The following NEK11 variants were observed in gnomAD, a reference collection of about 807,000 sequenced individuals.
NEK11 encodes serine/threonine-protein kinase Nek11.
NEK11 carries 72 observed loss-of-function variants against 80.7 expected under a neutral mutation model. The ratio of observed to expected loss-of-function variants is 0.89; its 90% CI spans 0.74 to 1.08. The LOEUF (loss-of-function observed/expected upper bound fraction) is 1.08. NEK11 is among the 50% of genes least tolerant of loss of function. The pLI is 0.00. For missense variants in NEK11, 764 were observed against 763.6 expected (o/e 1.00, Z -0.01); for synonymous variants, 251 against 260.7 (o/e 0.96, Z 0.36).
At chr3:131,314,940 T>A (rs2096821521) in intron 17 of NEK11, among the ~76,000 whole-genome samples, 1 of 152,204 alleles carries the variant, frequency 6.6e-6, no homozygotes, top group African/African-American at 2.4e-5. Flanking sequence ...ATAAATTATC[T>A]TAAGGGATGG....
intron 15 of NEK11, among the ~76,000 whole-genome samples, chr3:131,239,817 C>A (rs956831015): frequency 2.0e-5 from 3 of 151,768 alleles, no homozygotes; most frequent in Admixed American, 2.0e-4. Flanking sequence ...AGGTAGCTTT[C>A]ATTCATTCAT....
chr3:131,109,897 T>A lies in NEK11; in HGVS notation c.431T>A (p.Leu144Gln). Reference protein sequence around the residue: ...QIIEWFIQLLLGVDYMHERRI... With the variant: ...QIIEWFIQLLQGVDYMHERRI... ...ATAGAATGGTTTATCCAGCTGCTGC[T>A]GGGAGTTGACTACATGCATGAGAGG... Residue 144 changes from leucine (L) to glutamine (Q), a missense_variant, in exon 5 of 18, where the codon CTG becomes CAG. Coordinates refer to ENST00000383366, the MANE Select transcript of NEK11 (RefSeq NM_024800.5). 6.2e-7 allele frequency: 1 copy of A among 1,601,200 alleles called. No homozygotes were observed. The highest frequency in any genetic ancestry group is 8.5e-7 in the Non-Finnish European group (1 of 1,175,170).
chr3:131,101,864 A>G (rs1160784734), intron 4 of NEK11, among the ~76,000 whole-genome samples: 1 of 152,182 alleles, frequency 6.6e-6, no homozygotes, highest in Non-Finnish European at 1.5e-5. Flanking sequence ...AAGTCTTTTC[A>G]TAGGCCAAGA....
intron 4 of NEK11, among the ~76,000 whole-genome samples, chr3:131,104,711 A>G (rs993969294): frequency 6.6e-6 from 1 of 152,150 alleles, no homozygotes; most frequent in Non-Finnish European, 1.5e-5. Context: ...TTGTAGGGCT[A>G]TGGCAGCTGG....
chr3:131,267,326 C>T (rs2096078025), intron 16 of NEK11, among the ~76,000 whole-genome samples: 2 of 152,190 alleles, frequency 1.3e-5, no homozygotes, highest in South Asian at 4.1e-4. Flanking sequence ...GTGGCTGGTA[C>T]TGGTCGTTCC....
chr3:131,079,116 C>T (rs1187890617), intron 3 of NEK11, among the ~76,000 whole-genome samples: 1 of 152,134 alleles, frequency 6.6e-6, no homozygotes, highest in Admixed American at 6.5e-5. Flanking sequence ...AGATAACTTT[C>T]ACGCTCACTC....
intron 14 of NEK11, among the ~76,000 whole-genome samples, chr3:131,213,706 G>A (rs1052479929): frequency 6.6e-6 from 1 of 152,004 alleles, no homozygotes; most frequent in African/African-American, 2.4e-5. Context: ...CCATCACCTC[G>A]AAGCATGTCA....
chr3:131,253,328 A>G (rs535574440), intron 16 of NEK11, among the ~76,000 whole-genome samples: 2 of 152,274 alleles, frequency 1.3e-5, no homozygotes, highest in African/African-American at 4.8e-5. Flanking sequence ...CATGGGATAC[A>G]AGAAGCAAGA....
chr3:131,170,319 G>T (rs2092601156), intron 13 of NEK11, among the ~76,000 whole-genome samples: 1 of 152,110 alleles, frequency 6.6e-6, no homozygotes, highest in Non-Finnish European at 1.5e-5. Flanking sequence ...TTAGGAAATT[G>T]GAATTCATAG....
chr3:131,057,286 A>G (rs2069737271), intron 3 of NEK11, among the ~76,000 whole-genome samples: 1 of 151,920 alleles, frequency 6.6e-6, no homozygotes, highest in Non-Finnish European at 1.5e-5. Context: ...CCAGTCTATC[A>G]TTGTTGGACG....
chr3:131,184,600 G>A, intron 14 of NEK11: 1 of 335,332 alleles, frequency 3.0e-6, no homozygotes, highest in Non-Finnish European at 5.4e-6. Flanking sequence ...TTCACGCAGA[G>A]ATTAATTCAG....
chr3:131,256,963 T>C (rs1407633668), intron 16 of NEK11, among the ~76,000 whole-genome samples: 1 of 152,004 alleles, frequency 6.6e-6, no homozygotes, highest in Admixed American at 6.6e-5. Context: ...TGGATGGACT[T>C]CATGTGGTCT....
intron 3 of NEK11, among the ~76,000 whole-genome samples, chr3:131,050,553 C>T (rs909053471): frequency 6.6e-6 from 1 of 152,226 alleles, no homozygotes; most frequent in East Asian, 1.9e-4. Flanking sequence ...ATAAAACTTA[C>T]ACCTAGAGTA....
chr3:131,326,992 C>G (rs4974473), intron 17 of NEK11, among the ~76,000 whole-genome samples: 22,192 of 152,190 alleles, frequency 0.15, 2,038 homozygotes, highest in Admixed American at 0.21. Flanking sequence ...CCAGAGGACA[C>G]AGCAAAAAAG....
intron 5 of NEK11, among the ~76,000 whole-genome samples, chr3:131,119,159 G>A (rs1191419981): frequency 6.6e-6 from 1 of 152,088 alleles, no homozygotes; most frequent in African/African-American, 2.4e-5. Context: ...CAGAGATTCT[G>A]GTATGTTGTG....
intron 15 of NEK11, among the ~76,000 whole-genome samples, chr3:131,235,995 G>A (rs979300148): frequency 1.3e-5 from 2 of 151,990 alleles, no homozygotes; most frequent in African/African-American, 4.8e-5. Context: ...TAAATCACAG[G>A]GCTACATTTT....
intron 14 of NEK11, among the ~76,000 whole-genome samples, chr3:131,207,741 A>T (rs890887038): frequency 5.3e-5 from 8 of 152,036 alleles, no homozygotes; most frequent in Admixed American, 2.6e-4. Context: ...TTTTCATGTG[A>T]CTGTTGGCTG....
chr3:131,308,339 C>T (rs1224081721), intron 17 of NEK11, among the ~76,000 whole-genome samples: 1 of 152,140 alleles, frequency 6.6e-6, no homozygotes, highest in African/African-American at 2.4e-5. Flanking sequence ...AGTCTTAATA[C>T]AATAAAACAG....
At chr3:131,107,177 T>C (rs1242058307) in intron 4 of NEK11, among the ~76,000 whole-genome samples, 1 of 152,118 alleles carries the variant, frequency 6.6e-6, no homozygotes, top group Non-Finnish European at 1.5e-5. Flanking sequence ...GGGTTAAAAC[T>C]TCACTGTGGC....
Sources: allele counts gnomAD v4.1 joint callset (sites outside exome capture counted in the v4.1 genomes callset), GRCh38; gene constraint gnomAD v4.1.1; transcripts MANE v1.5; gene names NCBI Gene and HGNC (gene_info 2026-07-23, HGNC 2026-07-21).